Variants in RUVBL1 observed in about 807,000 individuals in gnomAD.
The protein encoded by RUVBL1 is ruvB-like 1.
A neutral mutation model predicts 52.4 loss-of-function variants in RUVBL1; 4 were observed. That is an observed-to-expected ratio of 0.08 (90% CI 0.04 to 0.17). RUVBL1 has a LOEUF of 0.17. Among genes scored for constraint, RUVBL1 ranks in the 10% least tolerant of loss-of-function variants. The pLI, the probability that RUVBL1 is intolerant of heterozygous loss-of-function variation, is 1.00. For synonymous variants in RUVBL1, 217 were observed against 214.4 expected (o/e 1.01, Z -0.10); for missense variants, 298 against 572.8 (o/e 0.52, Z 4.90).
chr3:128,072,369 G>T (rs1942189571), intron 9 of RUVBL1, among the ~76,000 whole-genome samples: 1 of 152,230 alleles, frequency 6.6e-6, no homozygotes, highest in African/African-American at 2.4e-5. Context: ...AGGGCTGTGG[G>T]AGGTCGTTAC....
At chr3:128,134,018 T>C (rs1012423773) in intron 1 of RUVBL1, among the ~76,000 whole-genome samples, 32 of 152,050 alleles carry the variant, frequency 2.1e-4, no homozygotes, top group African/African-American at 7.0e-4. Flanking sequence ...AGAGAAGGAA[T>C]TCAGAATCCT....
chr3:128,066,629 G>A, intron 9 of RUVBL1: 1 of 346,204 alleles, frequency 2.9e-6, no homozygotes, highest in South Asian at 4.4e-5. Context: ...TGACTGTGTT[G>A]CCCAGGCTGG....
chr3:128,113,729 G>A (rs1943452236), intron 2 of RUVBL1, among the ~76,000 whole-genome samples: 1 of 152,162 alleles, frequency 6.6e-6, no homozygotes, highest in African/African-American at 2.4e-5. Context: ...GGAACCCACA[G>A]ATAGGAAGGG....
chr3:128,143,460 A>G (rs948725062), intron 1 of RUVBL1, among the ~76,000 whole-genome samples: 1 of 152,192 alleles, frequency 6.6e-6, no homozygotes, highest in African/African-American at 2.4e-5. Context: ...CGTGAGCCAC[A>G]GTGCCCCGCC....
In RUVBL1 at chr3:128,082,397, G is replaced by A; in HGVS notation, c.1211+86C>T. On this transcript the variant is annotated intron_variant, in intron 10 of 10. Transcript: ENST00000322623. The surrounding 1 kb of genome is among the most constrained non-coding windows in gnomAD (Gnocchi z 4.7). ...GGATAGAGTCCCATGCCCTAGGAAG[G>A]GACCTGCCTTTATTGTCCAGAATGA... 1.0e-6 allele frequency: 1 copy of A among 1,001,218 alleles called. No individual in the cohort carries two copies. Among genetic ancestry groups the A allele is most frequent in the Non-Finnish European group, 1.6e-6 (1 of 631,772 alleles). 62.0% of individuals were successfully genotyped at this position (1,001,218 alleles called of 1,614,324 possible).
At chr3:128,149,189 C>CTTTTTTTTT (rs34444238) in intron 1 of RUVBL1, among the ~76,000 whole-genome samples, 1 of 133,002 alleles carries the variant, frequency 7.5e-6, no homozygotes, top group Non-Finnish European at 1.6e-5. Context: ...TTCTTTCTTT[C>CTTTTTTTTT]TTTTTTTTTT....
At chr3:128,096,559 G>T (rs1251188353) in intron 8 of RUVBL1, among the ~76,000 whole-genome samples, 1 of 152,220 alleles carries the variant, frequency 6.6e-6, no homozygotes, top group Non-Finnish European at 1.5e-5. Context: ...GGGCGTGGTG[G>T]TTCATGCCTG....
At chr3:128,124,142 T>C (rs1302093460), upstream of RUVBL1, among the ~76,000 whole-genome samples, 1 of 152,106 alleles carries the variant, frequency 6.6e-6, no homozygotes, top group African/African-American at 2.4e-5. Context: ...CAAGTTATTA[T>C]TTCCGTTTTG....
chr3:128,122,667 C>T (rs894969688), intron 1 of RUVBL1, among the ~76,000 whole-genome samples: 3 of 152,198 alleles, frequency 2.0e-5, no homozygotes, highest in Non-Finnish European at 4.4e-5. Context: ...AGTAGCTTAA[C>T]TTTATATTAA....
exon 1 of RUVBL1, chr3:128,153,633 C>G (rs763931850): frequency 6.3e-7 from 1 of 1,598,048 alleles, no homozygotes; most frequent in Non-Finnish European, 8.5e-7. Flanking sequence ...AGCCGCAGAG[C>G]CGCGAGCGCG....
chr3:128,077,939 A>C (rs916439995), downstream of RUVBL1, among the ~76,000 whole-genome samples: 1 of 152,208 alleles, frequency 6.6e-6, no homozygotes, highest in Non-Finnish European at 1.5e-5. Context: ...AAGTCCTCAC[A>C]TGGGTCTATG....
intron 9 of RUVBL1, chr3:128,066,629 G>T: frequency 2.9e-6 from 1 of 346,202 alleles, no homozygotes; most frequent in Non-Finnish European, 5.3e-6. Flanking sequence ...TGACTGTGTT[G>T]CCCAGGCTGG....
rs985128430 is a variant in RUVBL1 at position 128,101,475 on chromosome 3, C to G, written c.603+84G>C. 2.3e-6 allele frequency: 3 copies of G among 1,319,874 alleles called. No individual in the cohort carries two copies. The African/African-American group carries it at 4.3e-5, about 19-fold the overall frequency. The allele number at this position is 1,319,874 out of a possible 1,614,324, so 81.8% of individuals were successfully genotyped here. A position where few individuals can be genotyped will look rare whatever the true frequency, so the allele number is the denominator to read the frequency against. ...CCCCTCCCCACACACCCCACACCCTCTGAAGAAAGCAACTCCCTTGTCACT... is the reference window on the plus strand; with the variant it reads ...CCCCTCCCCACACACCCCACACCCTGTGAAGAAAGCAACTCCCTTGTCACT... On this transcript the variant is annotated intron_variant, in intron 5 of 10. Transcript: ENST00000322623.
downstream of RUVBL1, chr3:128,076,175 G>C (rs1272821310): frequency 6.6e-6 from 1 of 152,396 alleles, no homozygotes; most frequent in African/African-American, 2.4e-5. This position sits in a 1 kb window ranked among gnomAD's most constrained non-coding sequence, Gnocchi z 6.8. Context: ...CAGTGCCTCA[G>C]AGGCAGGTCG....
intron 1 of RUVBL1, among the ~76,000 whole-genome samples, chr3:128,148,087 G>GT (rs1192880569): frequency 1.3e-5 from 2 of 151,970 alleles, no homozygotes. Context: ...ATCTGCCAGA[G>GT]GTTAAAGGTG....
At chr3:128,091,149 C>CT (rs2107680105) in intron 8 of RUVBL1, among the ~76,000 whole-genome samples, 1 of 152,324 alleles carries the variant, frequency 6.6e-6, no homozygotes, top group African/African-American at 2.4e-5. Flanking sequence ...TTTGTCCAAG[C>CT]TATGAATCTG....
chr3:128,135,678 A>T (rs895935408), intron 1 of RUVBL1, among the ~76,000 whole-genome samples: 40 of 152,264 alleles, frequency 2.6e-4, no homozygotes, highest in African/African-American at 9.6e-4. Context: ...TCAACACCAG[A>T]CTTGTCCTAC....
At chr3:128,153,218 G>A in exon 1 of RUVBL1, 2 of 1,320,096 alleles carry the variant, frequency 1.5e-6, no homozygotes, top group Non-Finnish European at 9.6e-7. Flanking sequence ...AAGTCCAAAT[G>A]GCTTCACTTC....
At chr3:128,117,632 A>G (rs1943557650) in intron 2 of RUVBL1, among the ~76,000 whole-genome samples, 1 of 146,308 alleles carries the variant, frequency 6.8e-6, no homozygotes, top group East Asian at 2.0e-4. Context: ...TTTTTTTTTG[A>G]GACGTAGTCT....
Sources: gnomAD v4.1 joint callset for allele counts (sites outside exome capture counted in the v4.1 genomes callset) on GRCh38, gnomAD v4.1.1 for gene constraint, Gnocchi (gnomAD v3.1) non-coding constraint, MANE v1.5 for transcripts, NCBI Gene and HGNC (gene_info 2026-07-23, HGNC 2026-07-21) for gene names.